Variants in GRM8 observed in about 807,000 individuals in gnomAD.
GRM8 encodes glutamate metabotropic receptor 8.
A neutral mutation model predicts 87.2 loss-of-function variants in GRM8; 47 were observed. That is an observed-to-expected ratio of 0.54 (90% CI 0.43 to 0.69). The LOEUF is 0.69. Ranked by LOEUF, GRM8 falls within the 30% of genes least tolerant of loss-of-function variation. The pLI, the probability that GRM8 is intolerant of heterozygous loss-of-function variation, is 0.00. For missense variants in GRM8, 1,019 were observed against 1,139.2 expected (o/e 0.89, Z 1.52); for synonymous variants, 396 against 404.5 (o/e 0.98, Z 0.25).
chr7:126,760,612 TAA>T lies in GRM8; in HGVS notation c.1357+9251_1357+9252del, dbSNP rs199998105. On this transcript the variant is annotated intron_variant, in intron 7 of 10. Transcript: ENST00000339582. Reference sequence around the variant, plus strand: ...ACCTATTCATTTCTAAAAATATTTATAAATTTTTAAAAAGTGAATGTATATAC... The same window carrying T: ...ACCTATTCATTTCTAAAAATATTTATATTTTTAAAAAGTGAATGTATATAC... Among the ~76,000 whole-genome samples, 10 of 152,304 alleles carry T rather than the reference TAA, an allele frequency of 6.6e-5. No homozygotes were observed. In the East Asian group the frequency reaches 1.9e-3, roughly 29 times the overall value.
intron 9 of GRM8, among the ~76,000 whole-genome samples, chr7:126,456,669 G>T (rs572454074): frequency 9.3e-5 from 14 of 151,248 alleles, no homozygotes; most frequent in African/African-American, 3.4e-4. Flanking sequence ...GAGGAGGAAA[G>T]GTAAATCAGA....
intron 2 of GRM8, among the ~76,000 whole-genome samples, chr7:127,115,235 A>G (rs1396948626): frequency 3.9e-5 from 6 of 152,172 alleles, no homozygotes; most frequent in Admixed American, 3.9e-4. Flanking sequence ...GCAGACAGCA[A>G]AAGAAAGTGG....
intron 9 of GRM8, among the ~76,000 whole-genome samples, chr7:126,522,887 CCT>C (rs1417205802): frequency 6.6e-6 from 1 of 152,152 alleles, no homozygotes. Flanking sequence ...GTATTATCCC[CCT>C]GACTTGACCC....
At chr7:127,041,156 T>C (rs1206375940) in intron 3 of GRM8, among the ~76,000 whole-genome samples, 4 of 152,210 alleles carry the variant, frequency 2.6e-5, no homozygotes, top group Non-Finnish European at 5.9e-5. Flanking sequence ...AAAGTTGCAG[T>C]GAGGCTCTTC....
chr7:126,867,989 T>A (rs1423377955), intron 6 of GRM8, among the ~76,000 whole-genome samples: 3 of 151,890 alleles, frequency 2.0e-5, no homozygotes, highest in African/African-American at 7.3e-5. Flanking sequence ...AAAAATGAAG[T>A]GTGAAAATAA....
chr7:126,753,946 A>G (rs1400657150), intron 7 of GRM8, among the ~76,000 whole-genome samples: 2 of 151,978 alleles, frequency 1.3e-5, no homozygotes, highest in African/African-American at 4.8e-5. Flanking sequence ...AACTATGCAA[A>G]GACTTTTCAA....
chr7:127,018,217 C>T (rs907482881), intron 3 of GRM8, among the ~76,000 whole-genome samples: 1 of 151,948 alleles, frequency 6.6e-6, no homozygotes, highest in Non-Finnish European at 1.5e-5. Context: ...TAAAGGGCAG[C>T]TGCCTCACTT....
At chr7:126,591,152 C>T (rs1796632486) in intron 8 of GRM8, among the ~76,000 whole-genome samples, 2 of 152,054 alleles carry the variant, frequency 1.3e-5, no homozygotes, top group South Asian at 4.2e-4. Flanking sequence ...AACATAAGAA[C>T]TCACATAAGC....
chr7:126,701,868 G>C, intron 7 of GRM8: 1 of 795,366 alleles, frequency 1.3e-6, no homozygotes, highest in Non-Finnish European at 1.9e-6. Context: ...ATTATAATGA[G>C]TTAATGACTA....
intron 9 of GRM8, among the ~76,000 whole-genome samples, chr7:126,505,968 G>A (rs989860233): frequency 3.3e-5 from 5 of 151,842 alleles, no homozygotes; most frequent in Admixed American, 1.3e-4. Flanking sequence ...CTGAAACTTC[G>A]CATCTTTTGC....
intron 3 of GRM8, among the ~76,000 whole-genome samples, chr7:127,034,030 T>G (rs138417827): frequency 1.1e-3 from 174 of 152,294 alleles, no homozygotes; most frequent in African/African-American, 4.0e-3. Context: ...ATGGAATGCC[T>G]CCATCCACTG....
intron 9 of GRM8, among the ~76,000 whole-genome samples, chr7:126,474,268 G>GTA (rs35138511): frequency 0.13 from 19,944 of 150,150 alleles, 1,528 homozygotes; most frequent in South Asian, 0.18. Context: ...GTGTGTGTGT[G>GTA]TATATATATA....
chr7:127,097,664 A>G (rs967870430), intron 3 of GRM8, among the ~76,000 whole-genome samples: 1 of 152,206 alleles, frequency 6.6e-6, no homozygotes, highest in African/African-American at 2.4e-5. Flanking sequence ...TGAGTTTATA[A>G]AGAACATTCA....
At chr7:127,076,039 G>T in intron 3 of GRM8, 1 of 397,592 alleles carries the variant, frequency 2.5e-6, no homozygotes, top group East Asian at 7.2e-5. Context: ...AAGATGGTTT[G>T]ATATGCTTAG....
chr7:126,589,685 T>C lies in GRM8; in HGVS notation c.1494+19677A>G, dbSNP rs1592374. 5.5e-3 allele frequency among the ~76,000 whole-genome samples: 832 copies of C among 152,134 alleles called. 5 individuals carry two copies. The highest frequency in any genetic ancestry group is 0.024 in the South Asian group (115 of 4,814). ...GCCAATCAGCACAAAACTAGTGCAA[T>C]AAACAACAATAATACAACTACGGGC... is the stretch of plus-strand genomic sequence containing the variant. On this transcript the variant is annotated intron_variant, in intron 8 of 10. Coordinates refer to ENST00000339582, the MANE Select transcript of GRM8 (RefSeq NM_000845.3).
At chr7:126,967,545 C>T (rs913537765) in intron 3 of GRM8, among the ~76,000 whole-genome samples, 3 of 69,236 alleles carry the variant, frequency 4.3e-5, no homozygotes, top group African/African-American at 1.4e-4. Flanking sequence ...AATCTACATC[C>T]CTTGAGAAAA....
chr7:126,640,501 T>C (rs3824016), intron 7 of GRM8, among the ~76,000 whole-genome samples: 46,714 of 152,026 alleles, frequency 0.31, 8,020 homozygotes, highest in East Asian at 0.43. Flanking sequence ...TATAAAACTA[T>C]GCATTTATAT....
At chr7:126,999,754 G>A (rs1382001041) in intron 3 of GRM8, among the ~76,000 whole-genome samples, 1 of 151,758 alleles carries the variant, frequency 6.6e-6, no homozygotes, top group Non-Finnish European at 1.5e-5. Flanking sequence ...TGGAGAGAAT[G>A]TCAAGAAAAG....
At chr7:126,572,425 C>A (rs1794762469) in intron 8 of GRM8, among the ~76,000 whole-genome samples, 2 of 152,140 alleles carry the variant, frequency 1.3e-5, no homozygotes, top group South Asian at 4.1e-4. Context: ...GTCTACATGA[C>A]AACATCCGAT....
Sources: allele counts gnomAD v4.1 joint callset (sites outside exome capture counted in the v4.1 genomes callset), GRCh38; gene constraint gnomAD v4.1.1; transcripts MANE v1.5; gene names NCBI Gene and HGNC (gene_info 2026-07-23, HGNC 2026-07-21).